TCF4: variants seen among roughly 807,000 people sequenced by gnomAD.
The protein encoded by TCF4 is transcription factor 4, also known as SL3-3 enhancer factor 2.
TCF4 carries 3 observed loss-of-function variants against 82.1 expected under a neutral mutation model. The ratio of observed to expected loss-of-function variants is 0.04; its 90% CI spans 0.02 to 0.09. TCF4 has a LOEUF of 0.09. TCF4 is among the 10% of genes least tolerant of loss of function. The probability of loss-of-function intolerance (pLI) is 1.00; values close to 1 mark genes in which losing one functional copy is unlikely to be tolerated. For missense variants in TCF4, 518 were observed against 852.7 expected, an observed-to-expected ratio of 0.61 and a Z score of 4.89; for synonymous variants, 276 against 309.6, an observed-to-expected ratio of 0.89 and a Z score of 1.14.
chr18:55,269,748 G>T, intron 11 of TCF4, 83 bp downstream of exon 11: 1 of 1,566,452 alleles, frequency 6.4e-7, no homozygotes, highest in South Asian at 1.1e-5. Context: ...TTGCTATTCA[G>T]TTATGAAAGG....
chr18:55,494,530 G>A (rs1258930678), intron 3 of TCF4, among the ~76,000 whole-genome samples: 5 of 152,052 alleles, frequency 3.3e-5, no homozygotes, highest in South Asian at 2.1e-4. Flanking sequence ...CTTAGCAGGC[G>A]CTGAATTCAG....
chr18:55,634,095 C>T (rs1246702413), intron 1 of TCF4, among the ~76,000 whole-genome samples: 1 of 152,000 alleles, frequency 6.6e-6, no homozygotes, highest in Non-Finnish European at 1.5e-5. Flanking sequence ...ATGATGAAAC[C>T]CCGTCTCTAC....
chr18:55,244,876 CAAA>C (rs1361695398), intron 15 of TCF4, among the ~76,000 whole-genome samples: 8 of 152,260 alleles, frequency 5.3e-5, no homozygotes, highest in African/African-American at 1.9e-4. Flanking sequence ...AGGGAGAAGG[CAAA>C]TGTGAAATTA....
chr18:55,422,396 G>A, intron 5 of TCF4: 3 of 984,674 alleles, frequency 3.0e-6, no homozygotes, highest in Non-Finnish European at 3.6e-6. Context: ...AGGAAAGAAG[G>A]GAAAAGGTGG....
chr18:55,446,400 G>A (rs2095525933), intron 5 of TCF4, among the ~76,000 whole-genome samples: 1 of 152,148 alleles, frequency 6.6e-6, no homozygotes, highest in African/African-American at 2.4e-5. Flanking sequence ...CTGAACCCAT[G>A]TTTAGCTGCT....
chr18:55,245,331 T>C (rs1461853104), intron 15 of TCF4, among the ~76,000 whole-genome samples: 8 of 152,234 alleles, frequency 5.3e-5, no homozygotes, highest in Non-Finnish European at 7.3e-5. Context: ...AGGCCTAATC[T>C]TGGCTTTTAA....
chr18:55,340,947 C>G (rs1191723323), intron 8 of TCF4, among the ~76,000 whole-genome samples: 1 of 152,150 alleles, frequency 6.6e-6, no homozygotes, highest in Non-Finnish European at 1.5e-5. Context: ...ACTCTAACCA[C>G]TATATTATAC....
intron 3 of TCF4, among the ~76,000 whole-genome samples, chr18:55,555,944 G>C (rs2097300036): frequency 6.6e-6 from 1 of 152,162 alleles, no homozygotes; most frequent in Admixed American, 6.6e-5. Flanking sequence ...ACTGGGTCTT[G>C]TGACAAGAAG....
chr18:55,402,048 C>T lies in TCF4; in HGVS notation c.369+1406G>A, dbSNP rs1200254293. The T allele has an allele frequency of 6.1e-6, 6 of 985,406 alleles. No individual in the cohort carries two copies. In the South Asian group the frequency reaches 2.3e-4, roughly 39 times the overall value. The allele number at this position is 985,406 out of a possible 1,614,324, so 61.0% of individuals were successfully genotyped here. On this transcript the variant is annotated intron_variant, in intron 6 of 19. Transcript: ENST00000354452. ...CCAGGCTATCTAGCCCGAACATTTG[C>T]ACTCACATTCCAAAGATGTTTCCGT...
At chr18:55,340,948 T>C (rs1477685109) in intron 8 of TCF4, among the ~76,000 whole-genome samples, 3 of 152,198 alleles carry the variant, frequency 2.0e-5, no homozygotes, top group African/African-American at 7.2e-5. Flanking sequence ...CTCTAACCAC[T>C]ATATTATACT....
At chr18:55,380,348 C>G (rs1375697582) in intron 6 of TCF4, among the ~76,000 whole-genome samples, 4 of 151,966 alleles carry the variant, frequency 2.6e-5, no homozygotes, top group Non-Finnish European at 5.9e-5. Context: ...TATACACGTG[C>G]CATGGTGTTT....
intron 3 of TCF4, among the ~76,000 whole-genome samples, chr18:55,568,331 GA>G (rs947114459): frequency 3.3e-5 from 5 of 151,206 alleles, no homozygotes; most frequent in African/African-American, 4.8e-5. Context: ...GCTTGATCAT[GA>G]AAAAAAGAAG....
chr18:55,514,878 GAAT>G (rs2096865897), intron 3 of TCF4, among the ~76,000 whole-genome samples: 2 of 152,008 alleles, frequency 1.3e-5, no homozygotes, highest in Non-Finnish European at 2.9e-5. Context: ...ATCTGATTAT[GAAT>G]AATACATGTG....
intron 8 of TCF4, among the ~76,000 whole-genome samples, chr18:55,309,891 C>T (rs945356801): frequency 2.6e-5 from 4 of 152,138 alleles, no homozygotes; most frequent in African/African-American, 9.7e-5. Context: ...AATAGTTTCA[C>T]TTACAGGAAA....
intron 3 of TCF4, among the ~76,000 whole-genome samples, chr18:55,558,316 G>A (rs2097323589): frequency 6.6e-6 from 1 of 152,154 alleles, no homozygotes; most frequent in African/African-American, 2.4e-5. Flanking sequence ...TTATGATGCT[G>A]TATCTTCCAA....
chr18:55,480,112 C>T (rs1433532888), intron 3 of TCF4, among the ~76,000 whole-genome samples: 1 of 151,984 alleles, frequency 6.6e-6, no homozygotes, highest in Non-Finnish European at 1.5e-5. Context: ...ATACCATGAG[C>T]TGCCTGCTAC....
chr18:55,427,866 G>C (rs1274548714), intron 5 of TCF4, among the ~76,000 whole-genome samples: 1 of 152,178 alleles, frequency 6.6e-6, no homozygotes, highest in Non-Finnish European at 1.5e-5. Context: ...TTCATCATGA[G>C]AACCAATGAT....
intron 3 of TCF4, among the ~76,000 whole-genome samples, chr18:55,582,616 A>G (rs1192328168): frequency 6.6e-6 from 1 of 152,168 alleles, no homozygotes; most frequent in Admixed American, 6.5e-5. Context: ...GAAATGAAAG[A>G]TTAAAGGGAA....
intron 2 of TCF4, among the ~76,000 whole-genome samples, chr18:55,618,665 T>C (rs2097714569): frequency 6.6e-6 from 1 of 152,122 alleles, no homozygotes; most frequent in Admixed American, 6.6e-5. Flanking sequence ...CATTGCAGCC[T>C]TGACCTCCTA....
Sources: gnomAD v4.1 joint callset for allele counts (sites outside exome capture counted in the v4.1 genomes callset) on GRCh38, gnomAD v4.1.1 for gene constraint, MANE v1.5 for transcripts, NCBI Gene and HGNC (gene_info 2026-07-23, HGNC 2026-07-21) for gene names.